The following NLGN1 variants were observed in gnomAD, a reference collection of about 807,000 sequenced individuals.
NLGN1 encodes the protein neuroligin 1.
A neutral mutation model predicts 65.5 loss-of-function variants in NLGN1; 12 were observed. The observed-to-expected ratio is 0.18, with a 90% CI of 0.12 to 0.30. NLGN1 has a LOEUF of 0.30. Ranked by LOEUF, NLGN1 falls within the 10% of genes least tolerant of loss-of-function variation. The pLI, the probability that NLGN1 is intolerant of heterozygous loss-of-function variation, is 1.00. For synonymous variants in NLGN1, 350 were observed against 359.5 expected (o/e 0.97, Z 0.30); for missense variants, 750 against 1,007.1 (o/e 0.74, Z 3.46).
At chr3:174,191,540 C>T (rs1732390572) in intron 4 of NLGN1, among the ~76,000 whole-genome samples, 1 of 152,232 alleles carries the variant, frequency 6.6e-6, no homozygotes, top group East Asian at 1.9e-4. Flanking sequence ...TGTGACCTGT[C>T]ATTCTGTGAA....
chr3:173,819,269 C>G (rs1156446469), intron 4 of NLGN1, among the ~76,000 whole-genome samples: 3 of 152,070 alleles, frequency 2.0e-5, no homozygotes, highest in Non-Finnish European at 4.4e-5. Context: ...TCCTCTAGAC[C>G]TAAATTCATA....
At chr3:174,074,245 T>C (rs1010590566) in intron 4 of NLGN1, among the ~76,000 whole-genome samples, 4 of 152,156 alleles carry the variant, frequency 2.6e-5, no homozygotes, top group African/African-American at 9.7e-5. Context: ...CTAGGAAAAT[T>C]AAGAGAATCA....
At chr3:173,631,158 C>T (rs531653363) in intron 3 of NLGN1, among the ~76,000 whole-genome samples, 5 of 152,210 alleles carry the variant, frequency 3.3e-5, no homozygotes, top group African/African-American at 1.2e-4. Context: ...TTTGTGGTTT[C>T]ACTCATTATC....
rs553490000 is a variant in NLGN1 at position 173,607,509 on chromosome 3, TA to T, written c.493+2421del. On this transcript the variant is annotated intron_variant, in intron 3 of 6. Coordinates refer to ENST00000457714, the Ensembl canonical transcript of NLGN1. ...AAATTTTTGATGTAATTTTATTATA[TA>T]AATAGTATTTTTAAAATAAACAAAA... Among the ~76,000 whole-genome samples the T allele has an allele frequency of 1.5e-3, 228 of 151,352 alleles. 2 individuals carry two copies. Among genetic ancestry groups the T allele is most frequent in the Non-Finnish European group, 1.9e-3 (126 of 67,818 alleles).
intron 1 of NLGN1, among the ~76,000 whole-genome samples, chr3:173,408,199 A>T (rs1403224738): frequency 1.3e-5 from 2 of 152,144 alleles, no homozygotes; most frequent in East Asian, 3.9e-4. Flanking sequence ...GTTCTGCCTC[A>T]CACAATATGT....
rs186196762 is a variant in NLGN1 at position 173,950,831 on chromosome 3, A to G, written c.646+142999A>G. Among the ~76,000 whole-genome samples the G allele has an allele frequency of 6.6e-5, 10 of 151,958 alleles. No individual in the cohort carries two copies. In the East Asian group the frequency reaches 1.9e-3, roughly 29 times the overall value. The stretch of plus-strand genomic sequence containing the variant: ...CTCAAAAAAAAAAAAAAGGTCCTAA[A>G]TAATACAAAATAAATATGTTATTAA... On this transcript the variant is annotated intron_variant, in intron 4 of 6. Transcript: ENST00000457714.
intron 3 of NLGN1, among the ~76,000 whole-genome samples, chr3:173,635,678 A>G (rs1756463705): frequency 1.3e-5 from 2 of 152,308 alleles, no homozygotes; most frequent in Non-Finnish European, 2.9e-5. Context: ...TATACTTAGA[A>G]ATGATTTACT....
At chr3:173,610,200 G>C (rs1163450460) in intron 3 of NLGN1, among the ~76,000 whole-genome samples, 1 of 151,720 alleles carries the variant, frequency 6.6e-6, no homozygotes, top group Non-Finnish European at 1.5e-5. Context: ...AATTTGCTGT[G>C]GGCTGTGAAA....
intron 1 of NLGN1, among the ~76,000 whole-genome samples, chr3:173,434,408 A>G (rs959723407): frequency 1.3e-5 from 2 of 152,234 alleles, no homozygotes; most frequent in Non-Finnish European, 2.9e-5. Flanking sequence ...GCAGGTGATT[A>G]CAATTCATGG....
chr3:174,256,970 G>A (rs1365077647), intron 4 of NLGN1, among the ~76,000 whole-genome samples: 2 of 152,092 alleles, frequency 1.3e-5, no homozygotes, highest in Admixed American at 1.3e-4. Flanking sequence ...AGAGAAAACA[G>A]ACAATCTATC....
chr3:173,978,049 G>A (rs557575774), intron 4 of NLGN1, among the ~76,000 whole-genome samples: 4 of 152,090 alleles, frequency 2.6e-5, no homozygotes, highest in African/African-American at 9.6e-5. Flanking sequence ...CAAGGGGAGA[G>A]AAAATATCAA....
chr3:173,670,646 C>T (rs1204224457), intron 3 of NLGN1, among the ~76,000 whole-genome samples: 4 of 151,942 alleles, frequency 2.6e-5, no homozygotes, highest in Non-Finnish European at 5.9e-5. Flanking sequence ...TGAACTAATG[C>T]GTGGTTCAGA....
chr3:173,573,208 C>T (rs1020363273), intron 2 of NLGN1, among the ~76,000 whole-genome samples: 48 of 152,096 alleles, frequency 3.2e-4, no homozygotes, highest in African/African-American at 1.1e-3. Context: ...CTAGCAGCAG[C>T]AAGTCACTTA....
chr3:174,079,923 ATAAC>A (rs1169192391), intron 4 of NLGN1, among the ~76,000 whole-genome samples: 5 of 152,166 alleles, frequency 3.3e-5, no homozygotes, highest in African/African-American at 9.7e-5. Context: ...ATCAGGAAAA[ATAAC>A]TAATGGGTAC....
chr3:174,141,087 A>G (rs1462796230), intron 4 of NLGN1, among the ~76,000 whole-genome samples: 1 of 152,266 alleles, frequency 6.6e-6, no homozygotes, highest in Non-Finnish European at 1.5e-5. Flanking sequence ...TAATTGTTAC[A>G]CTTCACTTAA....
intron 2 of NLGN1, among the ~76,000 whole-genome samples, chr3:173,487,044 G>A (rs1728284723): frequency 6.6e-6 from 1 of 151,406 alleles, no homozygotes; most frequent in Admixed American, 6.6e-5. Flanking sequence ...AATAGAAGAA[G>A]CTTCTTTCTA....
chr3:174,063,601 G>A (rs1256969101), intron 4 of NLGN1, among the ~76,000 whole-genome samples: 1 of 151,880 alleles, frequency 6.6e-6, no homozygotes, highest in East Asian at 1.9e-4. Flanking sequence ...TATGTCATGA[G>A]GTTCTTATAT....
chr3:173,790,571 T>C (rs1399501983), intron 3 of NLGN1, among the ~76,000 whole-genome samples: 1 of 152,136 alleles, frequency 6.6e-6, no homozygotes, highest in Non-Finnish European at 1.5e-5. Context: ...ATAGAGAGGA[T>C]AAGAAAGCTA....
At chr3:174,166,116 C>T (rs1045256795) in intron 4 of NLGN1, among the ~76,000 whole-genome samples, 1 of 151,780 alleles carries the variant, frequency 6.6e-6, no homozygotes, top group Middle Eastern at 3.2e-3. Context: ...AGTTAGTAAT[C>T]TATCAATCTT....
Sources: allele counts gnomAD v4.1 joint callset (sites outside exome capture counted in the v4.1 genomes callset), GRCh38; gene constraint gnomAD v4.1.1; transcripts MANE v1.5; gene names NCBI Gene and HGNC (gene_info 2026-07-23, HGNC 2026-07-21).